UGT1A9: variants seen among roughly 807,000 people sequenced by gnomAD.
The protein encoded by UGT1A9 is UDP glucuronosyltransferase family 1 member A9.
A neutral mutation model predicts 45.0 loss-of-function variants in UGT1A9; 35 were observed. The ratio of observed to expected loss-of-function variants is 0.78; its 90% CI spans 0.59 to 1.03. UGT1A9 has a LOEUF of 1.03. Among genes scored for constraint, UGT1A9 ranks in the 50% least tolerant of loss-of-function variants. The probability of loss-of-function intolerance (pLI) is 0.00; values close to 1 mark genes in which losing one functional copy is unlikely to be tolerated. For missense variants in UGT1A9, 687 were observed against 666.6 expected (o/e 1.03, Z -0.34); for synonymous variants, 278 against 250.6 (o/e 1.11, Z -1.03).
rs567044237 is a variant in UGT1A9 at position 233,708,043 on chromosome 2, C to A, written c.855+35254C>A. 5.3e-5 allele frequency among the ~76,000 whole-genome samples: 8 copies of A among 152,266 alleles called. No homozygotes were observed. In the East Asian group the frequency reaches 1.5e-3, roughly 29 times the overall value. Reference sequence around the variant, plus strand: ...AGTTCTTTGGCAGTTATAGATATTGCAAATATCTTCCCCCACTCTGCATCT... The same window carrying A: ...AGTTCTTTGGCAGTTATAGATATTGAAAATATCTTCCCCCACTCTGCATCT... On this transcript the variant is annotated intron_variant, in intron 1 of 4. Transcript: ENST00000354728.
intron 1 of UGT1A9, chr2:233,760,374 G>A: frequency 1.9e-6 from 3 of 1,614,168 alleles, no homozygotes; most frequent in Non-Finnish European, 2.5e-6. Context: ...ATGCTGGGAA[G>A]ATACTGTTGA....
intron 1 of UGT1A9, among the ~76,000 whole-genome samples, chr2:233,739,818 A>T (rs1185619139): frequency 6.6e-6 from 1 of 151,978 alleles, no homozygotes; most frequent in Non-Finnish European, 1.5e-5. Context: ...ATTGGTTTTT[A>T]AATGTGAAAA....
chr2:233,681,989 C>T, intron 1 of UGT1A9: 1 of 1,614,168 alleles, frequency 6.2e-7, no homozygotes, highest in Non-Finnish European at 8.5e-7. Context: ...GTGTCTACTG[C>T]TGACCTGTGG....
In UGT1A9 at chr2:233,754,158, G is replaced by A. The variant is rs28900389; in HGVS notation, c.856-12876G>A. 9.6e-3 allele frequency: 1,492 copies of A among 156,116 alleles called. 22 individuals carry two copies. The highest frequency in any genetic ancestry group is 0.034 in the African/African-American group (1,420 of 41,562). 9.7% of individuals were successfully genotyped at this position (156,116 alleles called of 1,614,324 possible). A position where few individuals can be genotyped will look rare whatever the true frequency, so the allele number is the denominator to read the frequency against. On this transcript the variant is annotated intron_variant, in intron 1 of 4. Transcript: ENST00000354728. The stretch of plus-strand genomic sequence containing the variant: ...AAAGCCATCATTAAATTAAGCCAGA[G>A]TATTAATATATTCATAGATTTCACC...
intron 1 of UGT1A9, chr2:233,754,687 C>T: frequency 2.1e-6 from 1 of 485,706 alleles, no homozygotes; most frequent in South Asian, 1.5e-5. Context: ...TCAACTATTT[C>T]AGTGGAAGTC....
chr2:233,719,393 C>T (rs759794462), intron 1 of UGT1A9: 2 of 1,613,946 alleles, frequency 1.2e-6, no homozygotes, highest in Non-Finnish European at 1.7e-6. Context: ...CAAATCCTTC[C>T]TCCTATATTC....
chr2:233,703,422 ATTGC>A (rs1478163574), intron 1 of UGT1A9, among the ~76,000 whole-genome samples: 1 of 151,304 alleles, frequency 6.6e-6, no homozygotes, highest in East Asian at 1.9e-4. Context: ...ATTTTTCTCT[ATTGC>A]TTCTCTATTT....
chr2:233,762,171 C>T (rs564011835), intron 1 of UGT1A9, among the ~76,000 whole-genome samples: 29 of 152,266 alleles, frequency 1.9e-4, no homozygotes, highest in African/African-American at 6.5e-4. Flanking sequence ...CTGTATGCGG[C>T]GTCCTCAACA....
At chr2:233,691,063 T>C (rs1196831628) in intron 1 of UGT1A9, 1 of 986,786 alleles carries the variant, frequency 1.0e-6, no homozygotes, top group Non-Finnish European at 1.2e-6. Flanking sequence ...AGGTCTAGTA[T>C]AAAGAATGTG....
At chr2:233,717,997 G>T in intron 1 of UGT1A9, 2 of 419,518 alleles carry the variant, frequency 4.8e-6, no homozygotes, top group South Asian at 3.4e-5. Context: ...GACTGTGCAA[G>T]ATCTGAGGCC....
intron 1 of UGT1A9, among the ~76,000 whole-genome samples, chr2:233,702,315 T>G (rs2075680804): frequency 6.6e-6 from 1 of 152,230 alleles, no homozygotes; most frequent in Non-Finnish European, 1.5e-5. Context: ...ATCTTGTACT[T>G]CAACATTTCT....
intron 1 of UGT1A9, among the ~76,000 whole-genome samples, chr2:233,746,427 A>G (rs1283364507): frequency 1.3e-5 from 2 of 151,688 alleles, no homozygotes; most frequent in African/African-American, 4.9e-5. Flanking sequence ...CTATTAACTT[A>G]TGTCTTCAGC....
chr2:233,729,421 C>T (rs1041783998), intron 1 of UGT1A9: 2 of 1,613,652 alleles, frequency 1.2e-6, no homozygotes, highest in Non-Finnish European at 1.7e-6. Context: ...CCACACTCAA[C>T]TGTACTTTGA....
At chr2:233,772,116 AAAC>A (rs1252124628) in intron 4 of UGT1A9, 143 bp from the exon 5 acceptor site, 49 of 1,530,818 alleles carry the variant, frequency 3.2e-5, no homozygotes, top group Middle Eastern at 2.3e-4. Context: ...CTGTATCTAA[AAAC>A]AACAACAACA....
At chr2:233,747,700 A>T (rs538337941) in intron 1 of UGT1A9, 1 of 1,612,078 alleles carries the variant, frequency 6.2e-7, no homozygotes, top group African/African-American at 1.3e-5. Context: ...GTGCTGGCTA[A>T]GTACCTATCA....
chr2:233,761,233 T>G, intron 1 of UGT1A9: 1 of 1,613,114 alleles, frequency 6.2e-7, no homozygotes, highest in South Asian at 1.1e-5. Flanking sequence ...CCCAGATATA[T>G]GCTGAGCAAG....
At chr2:233,744,167 C>T (rs571958396) in intron 1 of UGT1A9, among the ~76,000 whole-genome samples, 8 of 151,954 alleles carry the variant, frequency 5.3e-5, no homozygotes, top group South Asian at 4.1e-4. Flanking sequence ...CCGCCCACTC[C>T]GGCCTCCAAC....
At chr2:233,687,291 G>A (rs558730054) in intron 1 of UGT1A9, among the ~76,000 whole-genome samples, 1 of 152,220 alleles carries the variant, frequency 6.6e-6, no homozygotes, top group South Asian at 2.1e-4. Context: ...GAACAACATG[G>A]TGAGATATCA....
intron 4 of UGT1A9, 67 bp from the exon 5 acceptor site, chr2:233,772,195 G>A (rs1700480706): frequency 1.9e-6 from 3 of 1,602,230 alleles, no homozygotes; most frequent in Non-Finnish European, 2.6e-6. Flanking sequence ...AAGCAGCCAT[G>A]AGCATAAAGA....
Sources: gnomAD v4.1 joint callset for allele counts (sites outside exome capture counted in the v4.1 genomes callset) on GRCh38, gnomAD v4.1.1 for gene constraint, MANE v1.5 for transcripts, NCBI Gene and HGNC (gene_info 2026-07-23, HGNC 2026-07-21) for gene names.